The following OSTN variants were observed in gnomAD, a reference collection of about 807,000 sequenced individuals.
OSTN encodes the protein osteocrin.
OSTN carries 9 observed loss-of-function variants against 12.0 expected under a neutral mutation model. That is an observed-to-expected ratio of 0.75 (90% CI 0.45 to 1.30). OSTN has a LOEUF of 1.30. Ranked by LOEUF, OSTN falls within the 50% of genes most tolerant of loss-of-function variation. The pLI is 0.00. For missense variants in OSTN, 148 were observed against 152.3 expected, an observed-to-expected ratio of 0.97 and a Z score of 0.15; for synonymous variants, 59 against 56.9, an observed-to-expected ratio of 1.04 and a Z score of -0.16.
chr3:191,240,768 C>T (rs1013988058), intron 3 of OSTN, among the ~76,000 whole-genome samples: 5 of 152,234 alleles, frequency 3.3e-5, no homozygotes, highest in African/African-American at 1.2e-4. Context: ...TGGCTGTTGG[C>T]GAGAGGCCTT....
At chr3:191,248,626 G>T (rs181490568) in intron 3 of OSTN, among the ~76,000 whole-genome samples, 2 of 152,160 alleles carry the variant, frequency 1.3e-5, no homozygotes, top group Non-Finnish European at 2.9e-5. Context: ...AGCTTTTCAA[G>T]CAATGAAGTA....
At chr3:191,209,580 T>A (rs778369081) in intron 1 of OSTN, among the ~76,000 whole-genome samples, 1 of 152,238 alleles carries the variant, frequency 6.6e-6, no homozygotes, top group African/African-American at 2.4e-5. Context: ...AATGAACAAC[T>A]ATTTTAAACA....
intron 2 of OSTN, among the ~76,000 whole-genome samples, chr3:191,218,125 T>C (rs1234733898): frequency 6.6e-6 from 1 of 152,166 alleles, no homozygotes; most frequent in Admixed American, 6.5e-5. Flanking sequence ...GGTATATAGA[T>C]AAAGCACTAT....
chr3:191,232,522 A>AT (rs59129291), intron 3 of OSTN, among the ~76,000 whole-genome samples: 38 of 149,366 alleles, frequency 2.5e-4, no homozygotes, highest in African/African-American at 4.6e-4. Flanking sequence ...ATATATATAT[A>AT]AAATTATGTT....
At chr3:191,236,931 G>A (rs571911530) in intron 3 of OSTN, among the ~76,000 whole-genome samples, 13 of 152,158 alleles carry the variant, frequency 8.5e-5, no homozygotes, top group South Asian at 2.1e-4. Context: ...TTATGTTTTC[G>A]GAGAGATAAA....
At chr3:191,257,769 CTT>C (rs142145911) in intron 4 of OSTN, among the ~76,000 whole-genome samples, 3,763 of 152,224 alleles carry the variant, frequency 0.025, 154 homozygotes, top group African/African-American at 0.087. Flanking sequence ...TTAAAACTAT[CTT>C]TATTTCTCAA....
At chr3:191,244,721 T>C (rs1156300838) in intron 3 of OSTN, among the ~76,000 whole-genome samples, 1 of 150,068 alleles carries the variant, frequency 6.7e-6, no homozygotes, top group East Asian at 1.9e-4. Flanking sequence ...AACCAGGCTA[T>C]TATGGTTTCT....
At chr3:191,199,356 T>C (rs903230670) in intron 1 of OSTN, 49 bp downstream of exon 1, 5 of 152,136 alleles carry the variant, frequency 3.3e-5, no homozygotes, top group Non-Finnish European at 5.9e-5. Context: ...CTTTTAACTA[T>C]TATTTTTACT....
At chr3:191,262,169 G>C (rs1715827292) in intron 4 of OSTN, among the ~76,000 whole-genome samples, 1 of 152,184 alleles carries the variant, frequency 6.6e-6, no homozygotes, top group South Asian at 2.1e-4. Flanking sequence ...AGTGAGCTGA[G>C]GTCGCGCACC....
At chr3:191,218,420 G>A (rs1041536025) in intron 2 of OSTN, among the ~76,000 whole-genome samples, 18 of 152,052 alleles carry the variant, frequency 1.2e-4, no homozygotes, top group Admixed American at 6.6e-4. Context: ...TCAGGAGTTC[G>A]AGACCAGCCT....
chr3:191,216,738 G>A (rs188179835), intron 2 of OSTN, among the ~76,000 whole-genome samples: 19 of 152,280 alleles, frequency 1.2e-4, no homozygotes, highest in African/African-American at 4.6e-4. Context: ...CTTTGCTCCA[G>A]TTCCCAACAA....
intron 1 of OSTN, among the ~76,000 whole-genome samples, chr3:191,210,197 C>T (rs767812866): frequency 1.3e-5 from 2 of 152,136 alleles, no homozygotes; most frequent in South Asian, 2.1e-4. Context: ...TCAGATCTCG[C>T]GATAACTCAC....
intron 4 of OSTN, among the ~76,000 whole-genome samples, chr3:191,255,826 T>C (rs1293762924): frequency 1.3e-5 from 2 of 152,100 alleles, no homozygotes; most frequent in African/African-American, 2.4e-5. Context: ...AATTAACTCT[T>C]CTTCTGCTTG....
intron 2 of OSTN, 70 bp from the exon 3 acceptor site, chr3:191,218,677 C>A: frequency 7.9e-7 from 1 of 1,267,620 alleles, no homozygotes. Flanking sequence ...GTAGCAAAAG[C>A]CAGATGCATA....
rs1408443899 is a variant in OSTN, at chr3:191,263,287, C to G, written c.*434C>G. On this transcript the variant is annotated 3_prime_UTR_variant, in exon 5 of 5. Coordinates refer to ENST00000682035, the MANE Select transcript of OSTN (RefSeq NM_198184.2). ...GAGGAAAGGCAATGCTGTGTATTTTCTGTTGAGTACTTTCACTTCCCTGTA... is the reference window on the plus strand; with the variant it reads ...GAGGAAAGGCAATGCTGTGTATTTTGTGTTGAGTACTTTCACTTCCCTGTA... 1 of 156,426 alleles carries G rather than the reference C, an allele frequency of 6.4e-6. No individual in the cohort carries two copies. The allele number at this position is 156,426 out of a possible 1,614,324, so 9.7% of individuals were successfully genotyped here.
At chr3:191,222,344 A>G (rs755745840) in intron 3 of OSTN, among the ~76,000 whole-genome samples, 9 of 151,822 alleles carry the variant, frequency 5.9e-5, no homozygotes, top group African/African-American at 2.2e-4. Context: ...CCAAGAGGGG[A>G]TGACCTGGAT....
chr3:191,239,477 T>C (rs1715274548), intron 3 of OSTN, among the ~76,000 whole-genome samples: 1 of 152,234 alleles, frequency 6.6e-6, no homozygotes, highest in African/African-American at 2.4e-5. Flanking sequence ...GCCAGTACAG[T>C]CACTTAAATC....
At chr3:191,219,974 T>C (rs1714722453) in intron 3 of OSTN, among the ~76,000 whole-genome samples, 2 of 152,206 alleles carry the variant, frequency 1.3e-5, no homozygotes, top group Admixed American at 6.5e-5. Context: ...GCTAGCAGGC[T>C]AATCATCTAA....
At chr3:191,212,867 C>CTTTTTTTTTTTTTTTTTTTTTT (rs397991965) in intron 2 of OSTN, among the ~76,000 whole-genome samples, 2 of 93,080 alleles carry the variant, frequency 2.1e-5, no homozygotes, top group African/African-American at 4.0e-5. Context: ...TCTTTTCTTT[C>CTTTTTTTTTTTTTTTTTTTTTT]TTTTTTTTTT....
Sources: gnomAD v4.1 joint callset for allele counts (sites outside exome capture counted in the v4.1 genomes callset) on GRCh38, gnomAD v4.1.1 for gene constraint, MANE v1.5 for transcripts, NCBI Gene and HGNC (gene_info 2026-07-23, HGNC 2026-07-21) for gene names.